Variants in NDUFS4 observed in about 807,000 individuals in gnomAD.
NDUFS4 encodes NADH:ubiquinone oxidoreductase subunit S4, also known as NADH dehydrogenase [ubiquinone] iron-sulfur protein 4, mitochondrial.
NDUFS4 carries 28 observed loss-of-function variants against 24.3 expected under a neutral mutation model. The observed-to-expected ratio is 1.15, with a 90% CI of 0.85 to 1.58. NDUFS4 has a LOEUF of 1.58. NDUFS4 is among the 40% of genes most tolerant of loss of function. NDUFS4 has a pLI of 0.00. For missense variants in NDUFS4, 223 were observed against 207.9 expected (o/e 1.07, Z -0.45); for synonymous variants, 93 against 69.7 (o/e 1.34, Z -1.67).
At chr5:53,653,116 A>G (rs1014890501) in intron 3 of NDUFS4, among the ~76,000 whole-genome samples, 10 of 152,116 alleles carry the variant, frequency 6.6e-5, no homozygotes, top group African/African-American at 2.4e-4. Flanking sequence ...TTTTTGTGTT[A>G]ATCACATTCT....
At chr5:53,565,902 G>A (rs111475908) in intron 1 of NDUFS4, among the ~76,000 whole-genome samples, 33 of 152,226 alleles carry the variant, frequency 2.2e-4, no homozygotes, top group African/African-American at 5.5e-4. Flanking sequence ...GGCCGGGTGC[G>A]GTGGCTCACG....
At chr5:53,596,267 T>TA (rs11432057) in intron 1 of NDUFS4, among the ~76,000 whole-genome samples, 30,621 of 150,074 alleles carry the variant, frequency 0.2, 3,590 homozygotes, top group East Asian at 0.46. Flanking sequence ...CATATCCCTA[T>TA]AAAAAAAAAC....
intron 2 of NDUFS4, among the ~76,000 whole-genome samples, chr5:53,632,315 T>C (rs773440395): frequency 5.3e-5 from 8 of 152,230 alleles, no homozygotes; most frequent in Non-Finnish European, 7.3e-5. Context: ...CTTTTAGTGA[T>C]TGATATTAAG....
chr5:53,564,293 T>G (rs2112404234), intron 1 of NDUFS4, among the ~76,000 whole-genome samples: 1 of 152,318 alleles, frequency 6.6e-6, no homozygotes, highest in South Asian at 2.1e-4. Context: ...GGAAATAGGC[T>G]AAGCTCAAAT....
chr5:53,642,999 A>G (rs1435440007), intron 2 of NDUFS4, among the ~76,000 whole-genome samples: 1 of 152,142 alleles, frequency 6.6e-6, no homozygotes, highest in Non-Finnish European at 1.5e-5. Flanking sequence ...CTGAAACTTT[A>G]TTAGGATAAT....
At chr5:53,619,381 T>G (rs1186821639) in intron 2 of NDUFS4, among the ~76,000 whole-genome samples, 3 of 143,144 alleles carry the variant, frequency 2.1e-5, no homozygotes, top group African/African-American at 7.8e-5. Context: ...TCCCAGCTAC[T>G]TGGGAGGCTG....
intron 1 of NDUFS4, among the ~76,000 whole-genome samples, chr5:53,583,604 A>T (rs576310238): frequency 2.0e-5 from 3 of 152,356 alleles, no homozygotes; most frequent in African/African-American, 7.2e-5. Flanking sequence ...ATACCGCATG[A>T]TTTTATTTGG....
intron 2 of NDUFS4, among the ~76,000 whole-genome samples, chr5:53,623,030 G>A (rs754168133): frequency 1.4e-4 from 22 of 151,970 alleles, no homozygotes; most frequent in African/African-American, 5.1e-4. Flanking sequence ...TTCTGTCGTC[G>A]AACATTTGGA....
At chr5:53,597,268 G>T (rs1579853062) in intron 1 of NDUFS4, among the ~76,000 whole-genome samples, 2 of 152,176 alleles carry the variant, frequency 1.3e-5, no homozygotes, top group East Asian at 3.9e-4. Context: ...TATTCTAAGA[G>T]ACAGGGAGTG....
chr5:53,613,015 A>G (rs1039160693), intron 2 of NDUFS4, among the ~76,000 whole-genome samples: 1 of 152,112 alleles, frequency 6.6e-6, no homozygotes, highest in Non-Finnish European at 1.5e-5. Flanking sequence ...AACTTGAATT[A>G]AAAATTGATC....
intron 4 of NDUFS4, among the ~76,000 whole-genome samples, 188 bp from the exon 5 acceptor site, chr5:53,682,930 A>G (rs1740717418): frequency 9.7e-6 from 1 of 103,284 alleles, no homozygotes; most frequent in South Asian, 3.6e-4. Flanking sequence ...AATCTTTTGG[A>G]CCCTTTTCTC....
chr5:53,650,388 T>C (rs1751982841), intron 3 of NDUFS4, among the ~76,000 whole-genome samples: 1 of 152,216 alleles, frequency 6.6e-6, no homozygotes. Context: ...GTGTAAGTTT[T>C]ATGTGATACA....
intron 1 of NDUFS4, among the ~76,000 whole-genome samples, chr5:53,585,481 C>T (rs755864890): frequency 6.6e-6 from 1 of 152,158 alleles, no homozygotes; most frequent in African/African-American, 2.4e-5. Context: ...CTTGGTGGCT[C>T]ACGCCTGTAA....
intron 1 of NDUFS4, among the ~76,000 whole-genome samples, chr5:53,595,048 A>C (rs957474855): frequency 2.0e-5 from 3 of 152,166 alleles, no homozygotes; most frequent in Non-Finnish European, 4.4e-5. Context: ...CCACTGATTT[A>C]AAATTGTATT....
chr5:53,647,773 T>C (rs1751909550), intron 3 of NDUFS4, among the ~76,000 whole-genome samples: 1 of 152,256 alleles, frequency 6.6e-6, no homozygotes, highest in Admixed American at 6.5e-5. Context: ...ATGTAGACTG[T>C]CTTGTTCTAG....
At chr5:53,622,212 T>G (rs1182123508) in intron 2 of NDUFS4, among the ~76,000 whole-genome samples, 4 of 152,170 alleles carry the variant, frequency 2.6e-5, no homozygotes, top group African/African-American at 9.7e-5. Flanking sequence ...GGCAGAAATC[T>G]CTCAGCTTTT....
intron 1 of NDUFS4, among the ~76,000 whole-genome samples, chr5:53,587,663 G>C (rs1228797394): frequency 6.6e-6 from 1 of 150,684 alleles, no homozygotes; most frequent in African/African-American, 2.4e-5. Flanking sequence ...TGCATCCTCC[G>C]CCCTCTGGTC....
intron 3 of NDUFS4, among the ~76,000 whole-genome samples, chr5:53,648,204 A>G (rs1318914854): frequency 6.6e-6 from 1 of 152,194 alleles, no homozygotes; most frequent in African/African-American, 2.4e-5. Context: ...GAATCTGTAT[A>G]TGTGAGATGA....
rs754618658 is a variant in NDUFS4 at position 53,683,138 on chromosome 5, G to A, written c.445G>A (p.Glu149Lys). 3 of 1,607,790 alleles carry A rather than the reference G, an allele frequency of 1.9e-6. No homozygotes were observed. In the South Asian group the frequency reaches 3.3e-5, roughly 18 times the overall value. Residue 149 changes from glutamate to lysine, a missense_variant, in exon 5 of 5, where the codon GAG (glutamate) becomes AAG (lysine). Transcript: ENST00000296684. Reference protein sequence around the residue: ...EKNGWSYDIEERKVPKPKSKS... With the variant: ...EKNGWSYDIEKRKVPKPKSKS... The stretch of plus-strand genomic sequence containing the variant: ...CCTAGGATGGAGCTATGACATTGAA[G>A]AGAGGAAGGTTCCAAAACCCAAGTC...
Sources: gnomAD v4.1 joint callset for allele counts (sites outside exome capture counted in the v4.1 genomes callset) on GRCh38, gnomAD v4.1.1 for gene constraint, MANE v1.5 for transcripts, NCBI Gene and HGNC (gene_info 2026-07-23, HGNC 2026-07-21) for gene names.